Variants in CNBD1 observed in about 807,000 individuals in gnomAD.
CNBD1 encodes cyclic nucleotide-binding domain-containing protein 1.
Under a neutral mutation model 54.4 loss-of-function variants are expected in CNBD1, and 71 were observed. That is an observed-to-expected ratio of 1.30 (90% confidence interval 1.08 to 1.59). The LOEUF (loss-of-function observed/expected upper bound fraction) is 1.59. Among genes scored for constraint, CNBD1 ranks in the 40% most tolerant of loss-of-function variants. The pLI, the probability that CNBD1 is intolerant of heterozygous loss-of-function variation, is 0.00. For synonymous variants in CNBD1, 182 were observed against 170.7 expected, an observed-to-expected ratio of 1.07 and a Z score of -0.51; for missense variants, 659 against 518.0, an observed-to-expected ratio of 1.27 and a Z score of -2.64.
chr8:87,336,939 A>G (rs1386697526), intron 8 of CNBD1, among the ~76,000 whole-genome samples: 2 of 151,942 alleles, frequency 1.3e-5, no homozygotes, highest in Non-Finnish European at 1.5e-5. Context: ...TTTTCTTTCA[A>G]TAGTCAGGCC....
chr8:87,407,412 T>C (rs1807669404), intron 2 of CNBD1, among the ~76,000 whole-genome samples: 1 of 151,980 alleles, frequency 6.6e-6, no homozygotes, highest in Non-Finnish European at 1.5e-5. Context: ...TGGATATTGG[T>C]GGTGTTCTAG....
At chr8:87,134,209 A>C (rs1289805994) in intron 4 of CNBD1, among the ~76,000 whole-genome samples, 1 of 152,210 alleles carries the variant, frequency 6.6e-6, no homozygotes, top group African/African-American at 2.4e-5. Context: ...ATTGACTGTC[A>C]AATTGATGAT....
intron 10 of CNBD1, among the ~76,000 whole-genome samples, chr8:87,367,396 T>G (rs1267797013): frequency 2.0e-5 from 3 of 152,086 alleles, no homozygotes; most frequent in Admixed American, 1.3e-4. Context: ...GAAGAGGTAT[T>G]TCTCATTACA....
intron 4 of CNBD1, among the ~76,000 whole-genome samples, chr8:86,970,407 C>G (rs907095007): frequency 6.6e-6 from 1 of 152,108 alleles, no homozygotes; most frequent in Non-Finnish European, 1.5e-5. Context: ...ACCAATTCCC[C>G]TTTTAGCTAG....
chr8:86,966,483 C>T (rs1314759948), intron 4 of CNBD1, among the ~76,000 whole-genome samples: 1 of 152,148 alleles, frequency 6.6e-6, no homozygotes, highest in Non-Finnish European at 1.5e-5. Context: ...GACTTTCTTC[C>T]TTCTGGTGGG....
At chr8:87,307,785 A>G (rs536730622) in intron 8 of CNBD1, among the ~76,000 whole-genome samples, 5 of 148,704 alleles carry the variant, frequency 3.4e-5, no homozygotes, top group Non-Finnish European at 7.4e-5. Flanking sequence ...AGGATATTGC[A>G]AGAAAGCTTC....
intron 5 of CNBD1, among the ~76,000 whole-genome samples, chr8:87,225,415 T>C (rs1283283916): frequency 6.6e-6 from 1 of 152,136 alleles, no homozygotes; most frequent in Non-Finnish European, 1.5e-5. Flanking sequence ...ATATGTCCCA[T>C]CAATACCTAA....
intron 4 of CNBD1, among the ~76,000 whole-genome samples, chr8:87,074,692 G>A (rs1228867781): frequency 2.6e-5 from 4 of 152,126 alleles, no homozygotes; most frequent in Non-Finnish European, 5.9e-5. Flanking sequence ...TCTTTTGGCT[G>A]TGTACCACTC....
At chr8:87,030,739 A>G (rs1401320471) in intron 4 of CNBD1, among the ~76,000 whole-genome samples, 1 of 152,100 alleles carries the variant, frequency 6.6e-6, no homozygotes, top group African/African-American at 2.4e-5. Flanking sequence ...GCTAGAACTC[A>G]GGATAAGATG....
chr8:87,354,999 G>A (rs1309766241), intron 10 of CNBD1, among the ~76,000 whole-genome samples: 1 of 152,122 alleles, frequency 6.6e-6, no homozygotes, highest in African/African-American at 2.4e-5. Flanking sequence ...AGTTAAAATG[G>A]CGATCATTAA....
chr8:87,257,214 A>C (rs34068871), intron 6 of CNBD1, among the ~76,000 whole-genome samples: 1,876 of 80,702 alleles, frequency 0.023, 43 homozygotes, highest in African/African-American at 0.11. Flanking sequence ...ACTAAAAATA[A>C]AAAAAATTAG....
At chr8:87,088,374 T>C (rs1390641316) in intron 4 of CNBD1, among the ~76,000 whole-genome samples, 1 of 152,092 alleles carries the variant, frequency 6.6e-6, no homozygotes, top group Non-Finnish European at 1.5e-5. Flanking sequence ...TTGAGGAAAA[T>C]AGGATTTTAT....
chr8:87,046,717 A>G (rs1209379818), intron 4 of CNBD1, among the ~76,000 whole-genome samples: 1 of 152,176 alleles, frequency 6.6e-6, no homozygotes, highest in Non-Finnish European at 1.5e-5. Flanking sequence ...ATAGTCATTT[A>G]TGGTGCCATT....
intron 2 of CNBD1, among the ~76,000 whole-genome samples, chr8:87,396,434 G>C (rs991656467): frequency 3.3e-5 from 5 of 151,696 alleles, no homozygotes; most frequent in Admixed American, 6.6e-5. Context: ...TTTTGCTGGT[G>C]GTGCCTTAAA....
chr8:87,395,097 G>A (rs758436673), intron 2 of CNBD1, among the ~76,000 whole-genome samples: 5 of 151,810 alleles, frequency 3.3e-5, no homozygotes, highest in Non-Finnish European at 5.9e-5. Flanking sequence ...TTAAATGTAT[G>A]CTTTGAACTA....
chr8:87,317,370 ATTATC>A (rs1053206217), intron 8 of CNBD1, among the ~76,000 whole-genome samples: 14 of 151,310 alleles, frequency 9.3e-5, no homozygotes, highest in African/African-American at 3.4e-4. Context: ...ATTTTAATAT[ATTATC>A]TTTTTGTTTT....
chr8:87,321,507 A>C (rs556321484), intron 8 of CNBD1, among the ~76,000 whole-genome samples: 33 of 152,278 alleles, frequency 2.2e-4, no homozygotes, highest in Middle Eastern at 3.4e-3. Flanking sequence ...AGAAATATCT[A>C]TTCAAATCTC....
chr8:87,011,429 A>G (rs1468657218), intron 4 of CNBD1, among the ~76,000 whole-genome samples: 1 of 152,188 alleles, frequency 6.6e-6, no homozygotes, highest in East Asian at 1.9e-4. Context: ...TGTGTTTGAT[A>G]CATTCAAAAT....
intron 8 of CNBD1, among the ~76,000 whole-genome samples, chr8:87,338,469 G>T (rs1809998294): frequency 6.6e-6 from 1 of 151,582 alleles, no homozygotes; most frequent in African/African-American, 2.4e-5. Flanking sequence ...TTTTGTTGTT[G>T]TTGTTGTTGT....
Sources: allele counts gnomAD v4.1 joint callset (sites outside exome capture counted in the v4.1 genomes callset), GRCh38; gene constraint gnomAD v4.1.1; transcripts MANE v1.5; gene names NCBI Gene and HGNC (gene_info 2026-07-23, HGNC 2026-07-21).